The following NR1H4 variants were observed in gnomAD, a reference collection of about 807,000 sequenced individuals.
The protein encoded by NR1H4 is bile acid receptor.
In NR1H4, 23 loss-of-function variants were observed where a neutral mutation model predicts 58.5. That is an observed-to-expected ratio of 0.39 (90% CI 0.28 to 0.56). NR1H4 has a LOEUF of 0.56. NR1H4 is among the 20% of genes least tolerant of loss of function. The pLI is 0.58. For synonymous variants in NR1H4, 214 were observed against 198.0 expected (o/e 1.08, Z -0.68); for missense variants, 487 against 576.9 (o/e 0.84, Z 1.60).
chr12:100,496,743 T>C lies in NR1H4; in HGVS notation c.79+3341T>C, dbSNP rs1470432261. Among the ~76,000 whole-genome samples the C allele has an allele frequency of 7.9e-5, 12 of 152,188 alleles. 1 individual carries two copies. ...TGGTCCTGGGCATGGTCCCCTTCAC[T>C]GCAGGTTATTATAAAGGTCATAATT... On this transcript the variant is annotated intron_variant, in intron 3 of 10. Coordinates refer to ENST00000392986, the MANE Select transcript of NR1H4 (RefSeq NM_001206979.2).
intron 3 of NR1H4, among the ~76,000 whole-genome samples, chr12:100,508,354 A>C (rs2136147936): frequency 6.6e-6 from 1 of 152,312 alleles, no homozygotes; most frequent in Non-Finnish European, 1.5e-5. Context: ...AGAGTCATGC[A>C]GAAGCTTGCA....
At chr12:100,477,498 A>G (rs756670234) in intron 1 of NR1H4, among the ~76,000 whole-genome samples, 2 of 152,194 alleles carry the variant, frequency 1.3e-5, no homozygotes, top group African/African-American at 4.8e-5. Context: ...ATTACACTTT[A>G]ATTAATGTTA....
intron 3 of NR1H4, among the ~76,000 whole-genome samples, chr12:100,503,661 G>A (rs1421691332): frequency 6.6e-6 from 1 of 152,112 alleles, no homozygotes; most frequent in African/African-American, 2.4e-5. Flanking sequence ...GATTTTTATA[G>A]GGTTCTAAAC....
intron 3 of NR1H4, among the ~76,000 whole-genome samples, chr12:100,494,901 C>T (rs1357967721): frequency 6.6e-6 from 1 of 152,150 alleles, no homozygotes; most frequent in Non-Finnish European, 1.5e-5. Flanking sequence ...GATCTCTGAG[C>T]TTAGGCTTCA....
At chr12:100,557,756 G>T (rs1955364359) in intron 9 of NR1H4, among the ~76,000 whole-genome samples, 1 of 152,142 alleles carries the variant, frequency 6.6e-6, no homozygotes, top group South Asian at 2.1e-4. Context: ...AGGCTTTCTG[G>T]TAAGTATACC....
chr12:100,547,448 C>T (rs528804382), intron 9 of NR1H4, among the ~76,000 whole-genome samples: 1 of 152,092 alleles, frequency 6.6e-6, no homozygotes, highest in Non-Finnish European at 1.5e-5. Flanking sequence ...GAGTGGCACA[C>T]CTTCCCTTTA....
chr12:100,548,000 T>G (rs111627978), intron 9 of NR1H4, among the ~76,000 whole-genome samples: 2,117 of 149,860 alleles, frequency 0.014, 105 homozygotes, highest in East Asian at 0.14. Flanking sequence ...GATTACAGGC[T>G]TGAGCCACCG....
At position 100,530,739 on chromosome 12, in the gene NR1H4, G is replaced by A. The variant is rs575831898; in HGVS notation, c.446-1719G>A. ...GTGTCTGTCCCTCGGGCCACCACTG[G>A]AACGTGTAGTAACTTTGTGAGAATT... On this transcript the variant is annotated intron_variant, in intron 4 of 10. Coordinates refer to ENST00000392986, the MANE Select transcript of NR1H4 (RefSeq NM_001206979.2). Among the ~76,000 whole-genome samples the A allele has an allele frequency of 9.2e-5, 14 of 152,286 alleles. No homozygotes were observed. In the South Asian group the frequency reaches 2.9e-3, roughly 32 times the overall value.
In NR1H4 at chr12:100,536,928, G is replaced by GT. The variant is rs1312500412; in HGVS notation, c.832-13dup. On this transcript the variant is annotated intron_variant, in intron 7 of 10. Transcript: ENST00000392986. ...TTTCTTATCTACTTTTTAATCATTG[G>GT]TTTTTTTCTTAAAATTTAGTTAAAA... The GT allele has an allele frequency of 7.4e-7, 1 of 1,353,350 alleles. No individual in the cohort carries two copies. Among genetic ancestry groups the GT allele is most frequent in the Non-Finnish European group, 1.0e-6 (1 of 965,178 alleles). The allele number at this position is 1,353,350 out of a possible 1,614,324, so 83.8% of individuals were successfully genotyped here. A position where few individuals can be genotyped will look rare whatever the true frequency, so the allele number is the denominator to read the frequency against.
At chr12:100,551,360 A>G (rs1285892832) in intron 9 of NR1H4, among the ~76,000 whole-genome samples, 2 of 152,130 alleles carry the variant, frequency 1.3e-5, no homozygotes, top group African/African-American at 4.8e-5. Context: ...AGCTTGCACA[A>G]AATGAAAACA....
Position 100,546,406 on chromosome 12 carries a change from A to G in NR1H4, c.1078+5588A>G, listed in dbSNP as rs372343776. On this transcript the variant is annotated intron_variant, in intron 9 of 10. Transcript: ENST00000392986. ...TCTAGGGATTCTTTGTTCCAAATCA[A>G]CGTCCATTGCCGGGCGCGGTGGCTC... Among the ~76,000 whole-genome samples the G allele has an allele frequency of 7.9e-5, 12 of 152,154 alleles. No homozygotes were observed. In the East Asian group the frequency reaches 1.2e-3, roughly 15 times the overall value.
chr12:100,539,322 C>T (rs973345188), intron 8 of NR1H4, among the ~76,000 whole-genome samples: 2 of 152,106 alleles, frequency 1.3e-5, no homozygotes, highest in Non-Finnish European at 2.9e-5. Flanking sequence ...AATACCAGTA[C>T]TGAAGGGATA....
intron 3 of NR1H4, among the ~76,000 whole-genome samples, chr12:100,502,694 C>T (rs1953862398): frequency 6.6e-6 from 1 of 152,172 alleles, no homozygotes; most frequent in South Asian, 2.1e-4. Context: ...GTGAAATAGA[C>T]ACTTTTAGCA....
At position 100,528,650 on chromosome 12, in the gene NR1H4, A is replaced by T. The variant is rs35232788; in HGVS notation, c.446-3808A>T. ...AAGAGGCAGAGGTATGTGTATGGAT[A>T]GATTTGCATAAGTATAAATACAGTA... is the stretch of plus-strand genomic sequence containing the variant. On this transcript the variant is annotated intron_variant, in intron 4 of 10. Coordinates refer to ENST00000392986, the MANE Select transcript of NR1H4 (RefSeq NM_001206979.2). Among the ~76,000 whole-genome samples, 520 of 152,362 alleles carry T rather than the reference A, an allele frequency of 3.4e-3. 1 individual carries two copies. Among genetic ancestry groups the T allele is most frequent in the African/African-American group, 0.011 (464 of 41,590 alleles).
intron 5 of NR1H4, 152 bp from the exon 6 acceptor site, chr12:100,534,738 C>T (rs1954774774): frequency 2.4e-6 from 2 of 833,274 alleles, no homozygotes; most frequent in Non-Finnish European, 3.9e-6. Flanking sequence ...CAAACCTTGG[C>T]CTTCCCTTTC....
chr12:100,557,649 T>C (rs1371502819), intron 9 of NR1H4, among the ~76,000 whole-genome samples: 1 of 152,236 alleles, frequency 6.6e-6, no homozygotes, highest in African/African-American at 2.4e-5. Flanking sequence ...TCCATTTGTA[T>C]GTCCATGTGT....
chr12:100,562,037 T>G lies in NR1H4; in HGVS notation c.1192+39T>G, dbSNP rs894031926. The G allele has an allele frequency of 1.3e-5, 13 of 990,890 alleles. 1 individual carries two copies. Among genetic ancestry groups the G allele is most frequent in the South Asian group, 1.3e-4 (10 of 78,126 alleles). 61.4% of individuals were successfully genotyped at this position (990,890 alleles called of 1,614,324 possible). ...TACATTTTAATTTTTATGCCATTTT[T>G]TTCAGTATACTAGTAATAACGTTTA... On this transcript the variant is annotated intron_variant, in intron 10 of 10. Transcript: ENST00000392986.
intron 3 of NR1H4, among the ~76,000 whole-genome samples, chr12:100,497,244 A>C (rs988760161): frequency 2.0e-5 from 3 of 152,048 alleles, no homozygotes; most frequent in Non-Finnish European, 4.4e-5. Flanking sequence ...AATTCCCCGC[A>C]CTTCTGGACT....
chr12:100,479,872 T>C (rs1212317624), intron 1 of NR1H4, among the ~76,000 whole-genome samples: 1 of 152,206 alleles, frequency 6.6e-6, no homozygotes, highest in East Asian at 1.9e-4. Flanking sequence ...TTATTTTCCC[T>C]TTGTATGACT....
Sources: allele counts gnomAD v4.1 joint callset (sites outside exome capture counted in the v4.1 genomes callset), GRCh38; gene constraint gnomAD v4.1.1; transcripts MANE v1.5; gene names NCBI Gene and HGNC (gene_info 2026-07-23, HGNC 2026-07-21).